Variants in HINT3 observed in about 807,000 individuals in gnomAD.
HINT3 encodes adenosine 5'-monophosphoramidase HINT3.
In HINT3, 16 loss-of-function variants were observed where a neutral mutation model predicts 19.1. The observed-to-expected ratio is 0.84, with a 90% CI of 0.57 to 1.27. HINT3 has a LOEUF of 1.27. Among genes scored for constraint, HINT3 ranks in the 50% most tolerant of loss-of-function variants. The pLI is 0.00. For missense variants in HINT3, 197 were observed against 225.8 expected, an observed-to-expected ratio of 0.87 and a Z score of 0.82; for synonymous variants, 75 against 84.8, an observed-to-expected ratio of 0.88 and a Z score of 0.63.
At chr6:125,963,886 T>G (rs1482364520) in intron 1 of HINT3, among the ~76,000 whole-genome samples, 1 of 152,156 alleles carries the variant, frequency 6.6e-6, no homozygotes, top group African/African-American at 2.4e-5. Flanking sequence ...AACTGAAAGA[T>G]CGTAGAAAAT....
intron 3 of HINT3, among the ~76,000 whole-genome samples, chr6:125,973,055 A>T (rs1789130123): frequency 7.9e-6 from 1 of 126,068 alleles, no homozygotes. Flanking sequence ...CATGATGTTC[A>T]ATTTTTCAAC....
chr6:125,972,829 A>T (rs1417023629), intron 3 of HINT3, among the ~76,000 whole-genome samples: 1 of 152,082 alleles, frequency 6.6e-6, no homozygotes, highest in Non-Finnish European at 1.5e-5. Context: ...GGCTCAAGTG[A>T]TTCTCCTGCC....
At position 125,977,886 on chromosome 6, in the gene HINT3, T is replaced by A. The variant is rs1461472287; in HGVS notation, c.*210T>A. 1 of 380,556 alleles carries A rather than the reference T, an allele frequency of 2.6e-6. No homozygotes were observed. Among genetic ancestry groups the A allele is most frequent in the African/African-American group, 2.1e-5 (1 of 48,064 alleles). The allele number at this position is 380,556 out of a possible 1,614,324, so 23.6% of individuals were successfully genotyped here. On this transcript the variant is annotated 3_prime_UTR_variant, in exon 5 of 5. Coordinates refer to ENST00000229633, the MANE Select transcript of HINT3 (RefSeq NM_138571.5). ...TTACTGACTTGTTTCAATGGTTACT[T>A]GTATAAGGATTTTATATATATGATA...
chr6:125,966,532 T>C (rs890870177), intron 1 of HINT3, among the ~76,000 whole-genome samples: 2 of 152,234 alleles, frequency 1.3e-5, no homozygotes, highest in African/African-American at 2.4e-5. Flanking sequence ...TGTGATTCTG[T>C]AGCCAAACCT....
chr6:125,965,310 AACCAGGTTGTATTCTGT>A (rs999579618), intron 1 of HINT3, among the ~76,000 whole-genome samples: 1 of 152,220 alleles, frequency 6.6e-6, no homozygotes, highest in Non-Finnish European at 1.5e-5. Context: ...ATCTCAAACT[AACCAGGTTGTATTCTGT>A]ACCAGAATTA....
Position 125,974,933 on chromosome 6 carries a change from C to G in HINT3, c.476C>G (p.Ser159Cys). The change falls in exon 4 of 5, where the codon TCC (serine) becomes TGC (cysteine). Residue 159 changes from serine to cysteine, a missense_variant. Physicochemically the swap from Ser to Cys is moderately radical, Grantham distance 112. Coordinates refer to ENST00000229633, the MANE Select transcript of HINT3 (RefSeq NM_138571.5). ...CCAGTGGATCAGCTTGGCTTCTTATCCAAGTTGGTTTATAGAGTCAATTCC... is the reference window on the plus strand; with the variant it reads ...CCAGTGGATCAGCTTGGCTTCTTATGCAAGTTGGTTTATAGAGTCAATTCC... ...LAPVDQLGFL[S>C]KLVYRVNSYW... 6.2e-7 allele frequency: 1 copy of G among 1,613,956 alleles called. No homozygotes were observed. Among genetic ancestry groups the G allele is most frequent in the East Asian group, 2.2e-5 (1 of 44,854 alleles).
rs1788935655 is a variant in HINT3, at chr6:125,962,161, CACATATATATATAT to C, written c.202-4724_202-4711del. ...GTGGATGGAAACCCATATATATATA[CACATATATATATAT>C]ATATATATATACACATATATATATA... is the stretch of plus-strand genomic sequence containing the variant. On this transcript the variant is annotated intron_variant, in intron 1 of 4. Coordinates refer to ENST00000229633, the MANE Select transcript of HINT3 (RefSeq NM_138571.5). 4.2e-4 allele frequency among the ~76,000 whole-genome samples: 42 copies of C among 99,828 alleles called. 5 individuals carry two copies. In the South Asian group the frequency reaches 0.012, roughly 29 times the overall value. 65.5% of individuals were successfully genotyped at this position (99,828 alleles called of 152,430 possible).
intron 3 of HINT3, among the ~76,000 whole-genome samples, chr6:125,973,302 C>A (rs941956157): frequency 1.4e-4 from 22 of 152,004 alleles, no homozygotes; most frequent in Admixed American, 1.1e-3. Flanking sequence ...TGGTCTCGAA[C>A]TCCTGACATC....
At chr6:125,964,807 G>A (rs1009626571) in intron 1 of HINT3, among the ~76,000 whole-genome samples, 1 of 151,538 alleles carries the variant, frequency 6.6e-6, no homozygotes, top group African/African-American at 2.4e-5. Flanking sequence ...GCGTATCTAT[G>A]GAATAGGAGG....
intron 3 of HINT3, among the ~76,000 whole-genome samples, chr6:125,974,235 A>G (rs1229926483): frequency 1.3e-5 from 2 of 152,214 alleles, no homozygotes; most frequent in African/African-American, 4.8e-5. Flanking sequence ...TATTTTAAAA[A>G]CTTTGTAACC....
chr6:125,969,185 G>A (rs1003256098), intron 2 of HINT3, among the ~76,000 whole-genome samples: 4 of 152,160 alleles, frequency 2.6e-5, no homozygotes, highest in African/African-American at 9.7e-5. Context: ...ATTTGTATAT[G>A]GTGAAAGGTA....
At chr6:125,962,167 T>TATATATATATATATATATATACAC (rs1788936252) in intron 1 of HINT3, among the ~76,000 whole-genome samples, 5 of 10,238 alleles carry the variant, frequency 4.9e-4, no homozygotes, top group African/African-American at 2.8e-3. Context: ...TATACACATA[T>TATATATATATATATATATATACAC]ATATATATAT....
intron 2 of HINT3, among the ~76,000 whole-genome samples, chr6:125,967,797 C>T (rs945186277): frequency 6.6e-6 from 1 of 152,054 alleles, no homozygotes; most frequent in Non-Finnish European, 1.5e-5. Context: ...TGAATTAGCA[C>T]CAAAATTTAA....
At chr6:125,962,289 CATATATATATATATATATCACACAT>C (rs371185658) in intron 1 of HINT3, among the ~76,000 whole-genome samples, 1 of 68,926 alleles carries the variant, frequency 1.5e-5, no homozygotes, top group African/African-American at 1.2e-4. Context: ...TATATATACA[CATATATATATATATATATCACACAT>C]ATATATATAT....
intron 1 of HINT3, among the ~76,000 whole-genome samples, chr6:125,963,065 G>A (rs1380669061): frequency 2.0e-5 from 3 of 152,154 alleles, no homozygotes; most frequent in South Asian, 4.1e-4. Flanking sequence ...TCCCCTGTTG[G>A]AAGATGGTTA....
intron 1 of HINT3, among the ~76,000 whole-genome samples, chr6:125,960,242 G>A (rs1187324763): frequency 1.3e-5 from 2 of 152,224 alleles, no homozygotes; most frequent in Non-Finnish European, 2.9e-5. Context: ...GCTTAGTTGT[G>A]TGATTTTCTT....
At position 125,966,879 on chromosome 6, in the gene HINT3, T is replaced by A; in HGVS notation, c.202-8T>A. 6.4e-7 allele frequency: 1 copy of A among 1,570,102 alleles called. No individual in the cohort carries two copies. Among genetic ancestry groups the A allele is most frequent in the African/African-American group, 1.4e-5 (1 of 73,910 alleles). On this transcript the variant is annotated splice_region_variant and splice_polypyrimidine_tract_variant and intron_variant, in intron 1 of 4. Transcript: ENST00000229633. Reference sequence around the variant, plus strand: ...TAAAAATTCACTAACAAATGTTTTTTCCTTTAGAATGAGGACCTAATTTGC... The same window carrying A: ...TAAAAATTCACTAACAAATGTTTTTACCTTTAGAATGAGGACCTAATTTGC...
At chr6:125,959,369 C>T (rs140786428) in intron 1 of HINT3, among the ~76,000 whole-genome samples, 391 of 152,232 alleles carry the variant, frequency 2.6e-3, no homozygotes, top group African/African-American at 8.8e-3. Flanking sequence ...AGAAGGAACG[C>T]TGGAAAGGCT....
intron 1 of HINT3, among the ~76,000 whole-genome samples, chr6:125,962,753 G>A (rs1788961758): frequency 1.3e-5 from 2 of 151,936 alleles, no homozygotes; most frequent in Non-Finnish European, 2.9e-5. Flanking sequence ...TTAAAACTAA[G>A]CAAAGGCTGA....
Sources: gnomAD v4.1 joint callset for allele counts (sites outside exome capture counted in the v4.1 genomes callset) on GRCh38, gnomAD v4.1.1 for gene constraint, MANE v1.5 for transcripts, NCBI Gene and HGNC (gene_info 2026-07-23, HGNC 2026-07-21) for gene names.